GOLGA8N: variants seen among roughly 807,000 people sequenced by gnomAD.
GOLGA8N encodes golgin A8 family member N.
GOLGA8N carries 2 observed loss-of-function variants against 22.0 expected under a neutral mutation model. The observed-to-expected ratio is 0.09, with a 90% CI of 0.04 to 0.29. The LOEUF is 0.29. Ranked by LOEUF, GOLGA8N falls within the 10% of genes least tolerant of loss-of-function variation. The pLI, the probability that GOLGA8N is intolerant of heterozygous loss-of-function variation, is 1.00. For synonymous variants in GOLGA8N, 2 were observed against 58.7 expected (o/e 0.03, Z 4.41); for missense variants, 10 against 164.7 (o/e 0.06, Z 5.14).
exon 19 of GOLGA8N, chr15:32,606,805 A>C (rs933295861): frequency 1.6e-4 from 24 of 151,820 alleles, no homozygotes; most frequent in Admixed American, 4.6e-4. Context: ...TTGAAAATGT[A>C]AATCAGCCCT....
rs561878741 is a variant in GOLGA8N at position 32,606,428 on chromosome 15, G to T, written c.*2450G>T. The T allele has an allele frequency of 1.8e-3, 261 of 141,996 alleles. 1 individual carries two copies. The highest frequency in any genetic ancestry group is 3.2e-3 in the Non-Finnish European group (208 of 65,686). The allele number at this position is 141,996 out of a possible 1,614,324, so 8.8% of individuals were successfully genotyped here. ...AATACCACTCTTTGTGTAGGTATTT[G>T]TCATATATTTAAGAAAACACTAAAA... is the stretch of plus-strand genomic sequence containing the variant. On this transcript the variant is annotated 3_prime_UTR_variant, in exon 19 of 19. Transcript: ENST00000448387.
chr15:32,605,429 GTT>G (rs2052921874), exon 19 of GOLGA8N: 1 of 147,626 alleles, frequency 6.8e-6, no homozygotes, highest in African/African-American at 2.5e-5. Flanking sequence ...CAACCACAGA[GTT>G]ATATTTTCTC....
exon 19 of GOLGA8N, chr15:32,606,749 GAAAAA>G (rs200322648): frequency 7.1e-6 from 1 of 141,706 alleles, no homozygotes. Flanking sequence ...TTCCAGAAAT[GAAAAA>G]AAAAAAATCA....
intron 7 of GOLGA8N, 41 bp from the exon 8 acceptor site, chr15:32,598,027 G>T (rs1336488375): frequency 2.6e-6 from 3 of 1,167,772 alleles, no homozygotes; most frequent in Admixed American, 2.4e-5. Context: ...CAGGTCTTCA[G>T]GGGGAGTCCT....
At chr15:32,606,977 G>A (rs925123908) in exon 19 of GOLGA8N, 1 of 151,218 alleles carries the variant, frequency 6.6e-6, no homozygotes, top group Non-Finnish European at 1.5e-5. Flanking sequence ...GAAAAGCAGA[G>A]AAAGAAATGC....
At position 32,606,586 on chromosome 15, in the gene GOLGA8N, C is replaced by A. The variant is rs192221977; in HGVS notation, c.*2608C>A. 151 of 151,224 alleles carry A rather than the reference C, an allele frequency of 1.0e-3. 2 individuals are homozygous for A. Among genetic ancestry groups the A allele is most frequent in the African/African-American group, 3.6e-3 (146 of 40,994 alleles). The allele number at this position is 151,224 out of a possible 1,614,324, so 9.4% of individuals were successfully genotyped here. On this transcript the variant is annotated 3_prime_UTR_variant, in exon 19 of 19. Coordinates refer to ENST00000448387, the Ensembl canonical transcript of GOLGA8N. The stretch of plus-strand genomic sequence containing the variant: ...GGAAGCTTTCAGTTTGCTTAGAAGG[C>A]AACATTGGAATGTTAGAGTTCATGA...
Position 32,595,154 on chromosome 15 carries a change from G to A in GOLGA8N, c.49-114G>A. 9.5e-6 allele frequency: 4 copies of A among 419,038 alleles called. 2 individuals are homozygous for A. The highest frequency in any genetic ancestry group is 1.3e-5 in the Non-Finnish European group (4 of 297,872). 26.0% of individuals were successfully genotyped at this position (419,038 alleles called of 1,614,324 possible). A position where few individuals can be genotyped will look rare whatever the true frequency, so the allele number is the denominator to read the frequency against. On this transcript the variant is annotated intron_variant, in intron 1 of 18. Coordinates refer to ENST00000448387, the Ensembl canonical transcript of GOLGA8N. ...GAGTGTGACAACACCTTGTACAGTT[G>A]TTGGTGTCATTAAATCAGACGGTGT...
exon 19 of GOLGA8N, chr15:32,607,115 G>A (rs2052944365): frequency 6.6e-6 from 1 of 152,024 alleles, no homozygotes; most frequent in South Asian, 2.1e-4. Context: ...CTTATTGACT[G>A]CTGGTGTGAT....
At chr15:32,605,252 A>T (rs1220921932) in exon 19 of GOLGA8N, 1 of 148,692 alleles carries the variant, frequency 6.7e-6, no homozygotes, top group East Asian at 2.0e-4. Flanking sequence ...ACATTCTTAT[A>T]AACTAATATA....
chr15:32,595,802 G>T (rs1330051300), intron 2 of GOLGA8N, among the ~76,000 whole-genome samples: 3 of 143,570 alleles, frequency 2.1e-5, no homozygotes, highest in Non-Finnish European at 4.5e-5. Context: ...AGGAATTCTG[G>T]GTTTGAATCC....
chr15:32,606,714 TAAAAGTATTTGATTC>T (rs1325191778), exon 19 of GOLGA8N: 1 of 149,118 alleles, frequency 6.7e-6, no homozygotes, highest in East Asian at 2.0e-4. Flanking sequence ...ATAATCATTT[TAAAAGTATTTGATTC>T]AACCTAATTT....
chr15:32,605,241 A>G (rs1416291769), exon 19 of GOLGA8N: 1 of 148,292 alleles, frequency 6.7e-6, no homozygotes, highest in African/African-American at 2.5e-5. Context: ...AAAAAATAGA[A>G]ACATTCTTAT....
Position 32,603,395 on chromosome 15 carries a change from CA to C in GOLGA8N, c.1497del (p.Gly501AlafsTer79), listed in dbSNP as rs2052893513. ...AAAATCCATCACCTTTTATCAGAACCAGGGGGCCGTGCCAAAGATGCAGCAC... is the reference window on the plus strand; with the variant it reads ...AAAATCCATCACCTTTTATCAGAACCGGGGGCCGTGCCAAAGATGCAGCAC... On this transcript the variant is annotated frameshift_variant, in exon 17 of 19. Transcript: ENST00000448387. LOFTEE classifies it high-confidence loss of function. 1 of 587,338 alleles carries C rather than the reference CA, an allele frequency of 1.7e-6. No individual in the cohort carries two copies. Among genetic ancestry groups the C allele is most frequent in the African/African-American group, 2.2e-5 (1 of 45,706 alleles). 36.4% of individuals were successfully genotyped at this position (587,338 alleles called of 1,614,324 possible).
chr15:32,606,432 T>C (rs908258666), exon 19 of GOLGA8N: 3 of 145,942 alleles, frequency 2.1e-5, no homozygotes, highest in African/African-American at 7.8e-5. Flanking sequence ...GTATTTGTCA[T>C]ATATTTAAGA....
exon 19 of GOLGA8N, chr15:32,607,153 T>G (rs1432509376): frequency 1.3e-5 from 2 of 152,384 alleles, no homozygotes; most frequent in Non-Finnish European, 1.5e-5. Flanking sequence ...AATTATTAAA[T>G]TGTTTCAATG....
In GOLGA8N at chr15:32,599,272, TC is replaced by T; in HGVS notation, c.640del (p.Leu214TyrfsTer7). ...ACATACAGAGTGGGAGTTAGAGCAG[TC>T]CCTACAGGACCAGGCACTGCTGAAA... On this transcript the variant is annotated frameshift_variant, in exon 9 of 19. Coordinates refer to ENST00000448387, the Ensembl canonical transcript of GOLGA8N. LOFTEE classifies it high-confidence loss of function. The T allele has an allele frequency of 3.5e-6, 1 of 289,346 alleles. No homozygotes were observed. Among genetic ancestry groups the T allele is most frequent in the South Asian group, 2.4e-5 (1 of 41,300 alleles). The allele number at this position is 289,346 out of a possible 1,614,324, so 17.9% of individuals were successfully genotyped here. A position where few individuals can be genotyped will look rare whatever the true frequency, so the allele number is the denominator to read the frequency against.
chr15:32,605,330 A>G (rs1348826171), exon 19 of GOLGA8N: 2 of 146,734 alleles, frequency 1.4e-5, no homozygotes, highest in African/African-American at 5.0e-5. Context: ...AATCAAGGAG[A>G]AGTTTATGAA....
At chr15:32,605,766 G>A (rs1239888342) in exon 19 of GOLGA8N, 1,038 of 92,842 alleles carry the variant, frequency 0.011, no homozygotes, top group African/African-American at 0.024. Context: ...CTATAAATAT[G>A]ACATTAACAG....
exon 19 of GOLGA8N, chr15:32,607,060 C>G (rs555833927): frequency 3.3e-5 from 5 of 151,334 alleles, no homozygotes; most frequent in South Asian, 2.1e-4. Flanking sequence ...TTATTGTAAA[C>G]AGAATGTGTC....
Sources: allele counts gnomAD v4.1 joint callset (sites outside exome capture counted in the v4.1 genomes callset), GRCh38; gene constraint gnomAD v4.1.1; transcripts MANE v1.5; gene names NCBI Gene and HGNC (gene_info 2026-07-23, HGNC 2026-07-21).